Variants in CYP4F3 observed in about 807,000 individuals in gnomAD.
CYP4F3 encodes cytochrome P450 family 4 subfamily F member 3, also known as cytochrome P450 4F3.
Under a neutral mutation model 54.8 loss-of-function variants are expected in CYP4F3, and 50 were observed. The observed-to-expected ratio is 0.91, with a 90% CI of 0.73 to 1.16. The LOEUF (loss-of-function observed/expected upper bound fraction) is 1.16. Ranked by LOEUF, CYP4F3 falls within the 50% of genes most tolerant of loss-of-function variation. The pLI, the probability that CYP4F3 is intolerant of heterozygous loss-of-function variation, is 0.00. For missense variants in CYP4F3, 715 were observed against 676.2 expected, an observed-to-expected ratio of 1.06 and a Z score of -0.64; for synonymous variants, 244 against 262.6, an observed-to-expected ratio of 0.93 and a Z score of 0.69.
intron 7 of CYP4F3, among the ~76,000 whole-genome samples, chr19:15,650,741 C>T (rs868293200): frequency 3.7e-4 from 19 of 51,354 alleles, no homozygotes; most frequent in African/African-American, 5.3e-4. Context: ...TCTTTCTTTT[C>T]CTTCCTTCCA....
rs1972528949 is a variant in CYP4F3 at position 15,643,405 on chromosome 19, A to ATATATAG, written c.198+1792_198+1793insTATATAG. On this transcript the variant is annotated intron_variant, in intron 2 of 12. Coordinates refer to ENST00000221307, the MANE Select transcript of CYP4F3 (RefSeq NM_000896.3). ...AGATATGTAGAGATATATATAGGTA[A>ATATATAG]ATAGATAGATAGATAGATAGATAGA... is the stretch of plus-strand genomic sequence containing the variant. 2.3e-4 allele frequency among the ~76,000 whole-genome samples: 23 copies of ATATATAG among 99,370 alleles called. No homozygotes were observed. In the East Asian group the frequency reaches 3.1e-3, roughly 13 times the overall value. The allele number at this position is 99,370 out of a possible 152,430, so 65.2% of individuals were successfully genotyped here.
intron 2 of CYP4F3, among the ~76,000 whole-genome samples, chr19:15,641,960 C>G (rs917614705): frequency 6.6e-6 from 1 of 152,136 alleles, no homozygotes; most frequent in Non-Finnish European, 1.5e-5. Context: ...CCTGTACCCA[C>G]TGTTCAGGGT....
intron 2 of CYP4F3, 40 bp downstream of exon 2, chr19:15,641,653 G>C: frequency 7.4e-7 from 1 of 1,353,714 alleles, no homozygotes; most frequent in Non-Finnish European, 1.0e-6. Context: ...TCTCAGGGTG[G>C]ATGGACTTCC....
chr19:15,641,714 G>A, intron 2 of CYP4F3, 101 bp downstream of exon 2: 1 of 1,253,966 alleles, frequency 8.0e-7, no homozygotes, highest in South Asian at 1.2e-5. Context: ...GGGGTCTGGG[G>A]TGGCAGAGAA....
chr19:15,649,111 C>T (rs1477084081), intron 5 of CYP4F3, 49 bp from the exon 6 acceptor site: 1 of 1,609,392 alleles, frequency 6.2e-7, no homozygotes, highest in Non-Finnish European at 8.5e-7. Flanking sequence ...TGGAGAGCTG[C>T]TCAAGGGAGC....
rs147657133 is a variant in CYP4F3, at chr19:15,661,804, T to C, written c.*2419T>C. ...ACTGCCATATATAGGAACTCTTTGC[T>C]TAACTGGAGGTCATGGAGATTTTCT... On this transcript the variant is annotated 3_prime_UTR_variant, in exon 13 of 13. Transcript: ENST00000221307. 1.1e-3 allele frequency: 163 copies of C among 152,340 alleles called. No homozygotes were observed. The highest frequency in any genetic ancestry group is 3.8e-3 in the African/African-American group (158 of 41,584). The allele number at this position is 152,340 out of a possible 1,614,324, so 9.4% of individuals were successfully genotyped here.
intron 7 of CYP4F3, among the ~76,000 whole-genome samples, chr19:15,651,519 C>A (rs1290383598): frequency 7.2e-6 from 1 of 139,532 alleles, no homozygotes; most frequent in South Asian, 2.5e-4. Context: ...AGGCACCTGG[C>A]TAATTTTTTG....
chr19:15,644,942 A>G (rs1206416254), intron 2 of CYP4F3, among the ~76,000 whole-genome samples: 1 of 152,240 alleles, frequency 6.6e-6, no homozygotes, highest in Non-Finnish European at 1.5e-5. Context: ...AACCTGGTGT[A>G]GTCTAAGCAA....
chr19:15,650,389 C>A, intron 7 of CYP4F3: 1 of 950,182 alleles, frequency 1.1e-6, no homozygotes, highest in Non-Finnish European at 1.6e-6. Flanking sequence ...TGTGATGAGT[C>A]TGAGATTTAC....
intron 3 of CYP4F3, among the ~76,000 whole-genome samples, chr19:15,646,819 A>G (rs556874461): frequency 7.9e-5 from 12 of 152,318 alleles, no homozygotes; most frequent in African/African-American, 2.6e-4. Context: ...GAGCCCTGAC[A>G]TAGCTCCTAC....
chr19:15,646,341 T>C (rs2144639867), intron 3 of CYP4F3, among the ~76,000 whole-genome samples: 1 of 152,220 alleles, frequency 6.6e-6, no homozygotes, highest in South Asian at 2.1e-4. Context: ...TTGGGGGTTG[T>C]GTGAGGTCTG....
At chr19:15,650,607 T>G (rs1972766661) in intron 7 of CYP4F3, among the ~76,000 whole-genome samples, 1 of 152,174 alleles carries the variant, frequency 6.6e-6, no homozygotes, top group South Asian at 2.1e-4. Flanking sequence ...CATCTGTGTC[T>G]TCATCTTTGT....
At chr19:15,648,643 C>T (rs1475716438) in intron 5 of CYP4F3, among the ~76,000 whole-genome samples, 1 of 152,104 alleles carries the variant, frequency 6.6e-6, no homozygotes, top group African/African-American at 2.4e-5. Flanking sequence ...GAAAAAATGC[C>T]ATGTGCCCAT....
chr19:15,641,367 C>T (rs73005787), intron 1 of CYP4F3, 48 bp from the exon 2 acceptor site: 96 of 1,609,058 alleles, frequency 6.0e-5, no homozygotes, highest in Non-Finnish European at 8.1e-5. Context: ...CTCCCTGGGC[C>T]CTTCCCTGGG....
chr19:15,654,345 A>C (rs1449760865), intron 9 of CYP4F3, among the ~76,000 whole-genome samples: 1 of 152,232 alleles, frequency 6.6e-6, no homozygotes, highest in African/African-American at 2.4e-5. Context: ...TACTTGGGAT[A>C]TCCATTGCCT....
rs772515507 is a variant in CYP4F3 at position 15,652,816 on chromosome 19, C to T, written c.986-7C>T. On this transcript the variant is annotated splice_region_variant and splice_polypyrimidine_tract_variant and intron_variant, in intron 8 of 12. Transcript: ENST00000221307. The stretch of plus-strand genomic sequence containing the variant: ...CAGAGACCCAAGCCTGCCTTGCTGC[C>T]CCCCAGGCCATGACACCACAGCCAG... 16 of 1,609,042 alleles carry T rather than the reference C, an allele frequency of 9.9e-6. No individual in the cohort carries two copies. The East Asian group carries it at 3.3e-4, about 34-fold the overall frequency.
At position 15,647,227 on chromosome 19, in the gene CYP4F3, A is replaced by G. The variant is rs1265828604; in HGVS notation, c.428A>G (p.Lys143Arg). The G allele has an allele frequency of 2.0e-5, 33 of 1,614,034 alleles. No individual in the cohort carries two copies. The highest frequency in any genetic ancestry group is 2.6e-5 in the Non-Finnish European group (31 of 1,180,034). Residue 143 changes from lysine (K) to arginine (R), a missense_variant, in exon 5 of 13, where the codon AAG becomes AGG. Physicochemically the swap from Lys to Arg is conservative, Grantham distance 26. Transcript: ENST00000221307. ...GGGCTCCTGCTGAGTGCTGGTGAAA[A>G]GTGGAGCCGCCACCGTCGGATGCTG... is the stretch of plus-strand genomic sequence containing the variant. The part of the protein sequence containing the change: ...GDGLLLSAGE[K>R]WSRHRRMLTP...
rs565689518 is a variant in CYP4F3 at position 15,641,641 on chromosome 19, G to A, written c.198+28G>A. On this transcript the variant is annotated intron_variant, in intron 2 of 12. Coordinates refer to ENST00000221307, the MANE Select transcript of CYP4F3 (RefSeq NM_000896.3). Reference sequence around the variant, plus strand: ...GAGTGTGGCAGCAGGACGGGTCTGGGGTCTCAGGGTGGATGGACTTCCTGA... The same window carrying A: ...GAGTGTGGCAGCAGGACGGGTCTGGAGTCTCAGGGTGGATGGACTTCCTGA... The A allele has an allele frequency of 1.6e-5, 26 of 1,612,580 alleles. No individual in the cohort carries two copies. In the African/African-American group the frequency reaches 2.1e-4, roughly 13 times the overall value.
rs1365229137 is a variant in CYP4F3, at chr19:15,651,480, G to A, written c.919-1089G>A. Among the ~76,000 whole-genome samples, 73 of 137,748 alleles carry A rather than the reference G, an allele frequency of 5.3e-4. 9 individuals carry two copies. The highest frequency in any genetic ancestry group is 1.8e-3 in the African/African-American group (69 of 38,352). The allele number at this position is 137,748 out of a possible 152,430, so 90.4% of individuals were successfully genotyped here. Reference sequence around the variant, plus strand: ...CCTCCTGGGTTCAAATGATTCTCCTGCCTCAGCCTCCCAACTAGCTGGGAT... The same window carrying A: ...CCTCCTGGGTTCAAATGATTCTCCTACCTCAGCCTCCCAACTAGCTGGGAT... On this transcript the variant is annotated intron_variant, in intron 7 of 12. Coordinates refer to ENST00000221307, the MANE Select transcript of CYP4F3 (RefSeq NM_000896.3).
Sources: allele counts gnomAD v4.1 joint callset (sites outside exome capture counted in the v4.1 genomes callset), GRCh38; gene constraint gnomAD v4.1.1; transcripts MANE v1.5; gene names NCBI Gene and HGNC (gene_info 2026-07-23, HGNC 2026-07-21).